The following MAML3 variants were observed in gnomAD, a reference collection of about 807,000 sequenced individuals.
The protein encoded by MAML3 is mastermind-like protein 3.
MAML3 carries 27 observed loss-of-function variants against 101.9 expected under a neutral mutation model. The ratio of observed to expected loss-of-function variants is 0.27; its 90% confidence interval spans 0.20 to 0.37. The LOEUF (loss-of-function observed/expected upper bound fraction) is 0.37. MAML3 is among the 10% of genes least tolerant of loss of function. The pLI is 1.00. For missense variants in MAML3, 1,316 were observed against 1,444.9 expected (o/e 0.91, Z 1.45); for synonymous variants, 501 against 555.9 (o/e 0.90, Z 1.39).
chr4:139,771,539 A>AT (rs1232863580), intron 2 of MAML3, among the ~76,000 whole-genome samples: 1 of 152,200 alleles, frequency 6.6e-6, no homozygotes, highest in Non-Finnish European at 1.5e-5. Context: ...TTCAATCATT[A>AT]TTTTTTATGT....
intron 1 of MAML3, among the ~76,000 whole-genome samples, chr4:140,067,787 G>A (rs1351654347): frequency 2.1e-5 from 3 of 146,048 alleles, no homozygotes; most frequent in Non-Finnish European, 4.5e-5. Context: ...TGGCTGGAGT[G>A]CAACAGCACG....
chr4:140,151,696 G>GT (rs1031718860), intron 1 of MAML3, among the ~76,000 whole-genome samples: 10 of 150,304 alleles, frequency 6.7e-5, no homozygotes, highest in Non-Finnish European at 1.2e-4. Context: ...GGTGCGGGGG[G>GT]GGGGGGCACA....
At position 140,047,034 on chromosome 4, in the gene MAML3, G is replaced by T. The variant is rs568995897; in HGVS notation, c.468+105826C>A. Reference sequence around the variant, plus strand: ...AAAAAAGTGGCCATGGTGTTTCGAAGGACTGGAAGATGCCGTCTGAGAGAC... The same window carrying T: ...AAAAAAGTGGCCATGGTGTTTCGAATGACTGGAAGATGCCGTCTGAGAGAC... On this transcript the variant is annotated intron_variant, in intron 1 of 4. Transcript: ENST00000509479. Among the ~76,000 whole-genome samples, 8 of 152,226 alleles carry T rather than the reference G, an allele frequency of 5.3e-5. No individual in the cohort carries two copies. The East Asian group carries it at 1.4e-3, about 26-fold the overall frequency.
intron 1 of MAML3, among the ~76,000 whole-genome samples, chr4:140,004,566 A>G (rs914103980): frequency 6.6e-6 from 1 of 152,162 alleles, no homozygotes; most frequent in Non-Finnish European, 1.5e-5. Flanking sequence ...AGTAGTGAGG[A>G]GAGAAAGAAA....
At chr4:139,763,475 G>T (rs1239284546) in intron 2 of MAML3, among the ~76,000 whole-genome samples, 4 of 152,188 alleles carry the variant, frequency 2.6e-5, no homozygotes, top group East Asian at 1.9e-4. Context: ...CTGCACCAGG[G>T]CTTCTGGTCA....
chr4:139,814,728 T>A (rs1730865386), intron 2 of MAML3, among the ~76,000 whole-genome samples: 1 of 151,970 alleles, frequency 6.6e-6, no homozygotes, highest in Non-Finnish European at 1.5e-5. Context: ...GGGCACACAG[T>A]GGCTGGGAGT....
intron 2 of MAML3, among the ~76,000 whole-genome samples, chr4:139,823,174 T>G (rs1373198319): frequency 1.3e-5 from 2 of 152,224 alleles, no homozygotes; most frequent in African/African-American, 4.8e-5. Flanking sequence ...TCAGATTTTA[T>G]TATTACCTTA....
At chr4:139,871,038 A>C (rs1731997874) in intron 2 of MAML3, among the ~76,000 whole-genome samples, 1 of 152,226 alleles carries the variant, frequency 6.6e-6, no homozygotes, top group Non-Finnish European at 1.5e-5. Flanking sequence ...ACAAATATAC[A>C]TGCAGTCACA....
chr4:139,864,923 C>CTTTTTTTTTTTT (rs56361332), intron 2 of MAML3, among the ~76,000 whole-genome samples: 1 of 62,456 alleles, frequency 1.6e-5, no homozygotes, highest in African/African-American at 5.9e-5. Flanking sequence ...TGCAAACTTG[C>CTTTTTTTTTTTT]TTTTTTTTTT....
chr4:140,104,486 T>C (rs1224002930), intron 1 of MAML3, among the ~76,000 whole-genome samples: 2 of 138,006 alleles, frequency 1.4e-5, no homozygotes, highest in African/African-American at 5.5e-5. Flanking sequence ...TTTTTTTTTT[T>C]TTTTGAGAGA....
intron 2 of MAML3, among the ~76,000 whole-genome samples, chr4:139,852,783 C>A (rs774068213): frequency 6.6e-6 from 1 of 152,048 alleles, no homozygotes; most frequent in South Asian, 2.1e-4. Flanking sequence ...ATTCCAGGAA[C>A]GTCACATTTG....
At chr4:139,935,092 T>C (rs913600013) in intron 1 of MAML3, among the ~76,000 whole-genome samples, 9 of 152,136 alleles carry the variant, frequency 5.9e-5, no homozygotes, top group African/African-American at 2.2e-4. Flanking sequence ...TCATGCATTT[T>C]ACTGCTCTCC....
At chr4:140,110,739 G>A (rs1728426898) in intron 1 of MAML3, among the ~76,000 whole-genome samples, 1 of 152,202 alleles carries the variant, frequency 6.6e-6, no homozygotes, top group Non-Finnish European at 1.5e-5. Flanking sequence ...GGTGCAGGCA[G>A]CTCAAATCCT....
chr4:139,872,443 G>A (rs1732031796), intron 2 of MAML3, among the ~76,000 whole-genome samples: 1 of 152,234 alleles, frequency 6.6e-6, no homozygotes, highest in Non-Finnish European at 1.5e-5. Flanking sequence ...TACAAATGTG[G>A]AGAGAGATGA....
chr4:139,808,105 G>A (rs768340973), intron 2 of MAML3, among the ~76,000 whole-genome samples: 1 of 152,218 alleles, frequency 6.6e-6, no homozygotes, highest in Non-Finnish European at 1.5e-5. Flanking sequence ...TGCAGTGTGT[G>A]GAGAGGGATG....
At position 139,815,969 on chromosome 4, in the gene MAML3, T is replaced by C. The variant is rs564664873; in HGVS notation, c.2079+73388A>G. The stretch of plus-strand genomic sequence containing the variant: ...GAAAAAAAATAAAACACTCATTGTG[T>C]CGAATGGTAGAAATATCACATCTGT... On this transcript the variant is annotated intron_variant, in intron 2 of 4. Transcript: ENST00000509479. Among the ~76,000 whole-genome samples, 3 of 152,238 alleles carry C rather than the reference T, an allele frequency of 2.0e-5. No individual in the cohort carries two copies. In the East Asian group the frequency reaches 5.8e-4, roughly 29 times the overall value.
chr4:140,152,210 C>T lies in MAML3; in HGVS notation c.468+650G>A, dbSNP rs75998792. 6.5e-3 allele frequency among the ~76,000 whole-genome samples: 985 copies of T among 152,284 alleles called. 9 individuals are homozygous for T. The highest frequency in any genetic ancestry group is 0.023 in the African/African-American group (939 of 41,570). ...GCATCCGCGCGCGCTCCCGCGAGCA[C>T]CCCCGCGCGCAGCCACCCTCGCTCG... On this transcript the variant is annotated intron_variant, in intron 1 of 4. Transcript: ENST00000509479.
At chr4:139,780,473 G>A (rs1730178734) in intron 2 of MAML3, among the ~76,000 whole-genome samples, 4 of 152,120 alleles carry the variant, frequency 2.6e-5, no homozygotes, top group Admixed American at 2.6e-4. Context: ...ATGTGCATGT[G>A]CTTATTCTGC....
chr4:139,970,734 G>A lies in MAML3; in HGVS notation c.469-79767C>T, dbSNP rs573156787. Among the ~76,000 whole-genome samples the A allele has an allele frequency of 4.6e-5, 7 of 152,242 alleles. No individual in the cohort carries two copies. In the East Asian group the frequency reaches 1.4e-3, roughly 29 times the overall value. On this transcript the variant is annotated intron_variant, in intron 1 of 4. Transcript: ENST00000509479. ...TCTCCTGAGGTTCTAACTGCACCTG[G>A]TACATGATCTTCATCACAGCAGCTC...
Sources: gnomAD v4.1 joint callset for allele counts (sites outside exome capture counted in the v4.1 genomes callset) on GRCh38, gnomAD v4.1.1 for gene constraint, MANE v1.5 for transcripts, NCBI Gene and HGNC (gene_info 2026-07-23, HGNC 2026-07-21) for gene names.